SLC8A1: variants seen among roughly 807,000 people sequenced by gnomAD.
SLC8A1 encodes sodium/calcium exchanger 1.
SLC8A1 carries 18 observed loss-of-function variants against 68.3 expected under a neutral mutation model. That is an observed-to-expected ratio of 0.26 (90% CI 0.18 to 0.39). The LOEUF is 0.39. Among genes scored for constraint, SLC8A1 ranks in the 10% least tolerant of loss-of-function variants. SLC8A1 has a pLI of 1.00. For synonymous variants in SLC8A1, 475 were observed against 415.5 expected, an observed-to-expected ratio of 1.14 and a Z score of -1.74; for missense variants, 985 against 1,156.7, an observed-to-expected ratio of 0.85 and a Z score of 2.15.
exon 2 of SLC8A1, chr2:40,428,505 A>G (rs372069829): frequency 8.7e-6 from 14 of 1,610,002 alleles, no homozygotes; most frequent in Non-Finnish European, 7.6e-6. Flanking sequence ...CGAGCTCTCC[A>G]CAAGTGTCCT....
chr2:40,296,714 TTTTA>T (rs1350933147), intron 2 of SLC8A1, among the ~76,000 whole-genome samples: 2 of 152,352 alleles, frequency 1.3e-5, no homozygotes, highest in South Asian at 4.1e-4. Context: ...TCTTGTTATG[TTTTA>T]TTTATTTTAT....
chr2:40,204,840 G>T (rs1294084664), intron 2 of SLC8A1, among the ~76,000 whole-genome samples: 2 of 151,520 alleles, frequency 1.3e-5, no homozygotes, highest in Non-Finnish European at 2.9e-5. Flanking sequence ...TTGAAATCTG[G>T]TATTTATGGT....
At chr2:40,149,219 T>C (rs936880181) in intron 6 of SLC8A1, among the ~76,000 whole-genome samples, 20 of 152,250 alleles carry the variant, frequency 1.3e-4, no homozygotes, top group African/African-American at 4.8e-4. Context: ...AGACTGACTT[T>C]ATTAGTGCCA....
intron 2 of SLC8A1, among the ~76,000 whole-genome samples, chr2:40,290,503 T>G (rs17025746): frequency 8.5e-5 from 13 of 152,154 alleles, no homozygotes; most frequent in African/African-American, 3.1e-4. Flanking sequence ...CTGGGCCAGA[T>G]TTACCATAAT....
At chr2:40,277,929 C>T (rs2066983241) in intron 2 of SLC8A1, among the ~76,000 whole-genome samples, 1 of 150,962 alleles carries the variant, frequency 6.6e-6, no homozygotes, top group South Asian at 2.1e-4. Context: ...AACATCATAA[C>T]ATAAATATGT....
At chr2:40,416,251 A>G (rs1365533036) in intron 2 of SLC8A1, among the ~76,000 whole-genome samples, 1 of 152,118 alleles carries the variant, frequency 6.6e-6, no homozygotes. Context: ...TGTGACAGGA[A>G]GGTCAACTTA....
At chr2:40,270,758 G>T (rs1443836263) in intron 2 of SLC8A1, among the ~76,000 whole-genome samples, 2 of 152,160 alleles carry the variant, frequency 1.3e-5, no homozygotes, top group African/African-American at 2.4e-5. Context: ...GGACATCTTG[G>T]GTGGGAGCAT....
chr2:40,241,466 G>A (rs973144534), intron 2 of SLC8A1, among the ~76,000 whole-genome samples: 12 of 152,094 alleles, frequency 7.9e-5, no homozygotes, highest in Admixed American at 2.0e-4. Context: ...TACCCCCTCC[G>A]TCAAAAATAA....
chr2:40,192,328 A>G (rs1392823707), intron 2 of SLC8A1, among the ~76,000 whole-genome samples: 4 of 149,702 alleles, frequency 2.7e-5, no homozygotes, highest in Admixed American at 1.4e-4. Flanking sequence ...TGAAAAAGCA[A>G]TGATTTCTGA....
At position 40,293,795 on chromosome 2, in the gene SLC8A1, T is replaced by C. The variant is rs78484538; in HGVS notation, c.1809-115940A>G. On this transcript the variant is annotated intron_variant, in intron 2 of 7. Transcript: ENST00000406785. ...AGGCATATAGATGGAATAGGGTATG[T>C]AGACTTATCTATGGTATATTCATTT... Among the ~76,000 whole-genome samples the C allele has an allele frequency of 4.6e-3, 703 of 152,276 alleles. 6 individuals carry two copies. Among genetic ancestry groups the C allele is most frequent in the African/African-American group, 0.016 (671 of 41,566 alleles).
At chr2:40,352,065 A>C (rs967069954) in intron 2 of SLC8A1, among the ~76,000 whole-genome samples, 3 of 152,202 alleles carry the variant, frequency 2.0e-5, no homozygotes, top group Non-Finnish European at 4.4e-5. Context: ...CTAGAGAATA[A>C]TTATGCCTAG....
In SLC8A1 at chr2:40,236,663, T is replaced by C. The variant is rs545066230; in HGVS notation, c.1809-58808A>G. On this transcript the variant is annotated intron_variant, in intron 2 of 7. Coordinates refer to ENST00000406785, the Ensembl canonical transcript of SLC8A1. ...TCATTATGATGTTAGCTGGTTATTT[T>C]GCTCGTTAGTTGATGCAGTTTCTTC... Among the ~76,000 whole-genome samples the C allele has an allele frequency of 7.9e-4, 121 of 152,232 alleles. 1 individual carries two copies. Among genetic ancestry groups the C allele is most frequent in the Non-Finnish European group, 1.5e-3 (102 of 68,008 alleles).
At chr2:40,311,263 AG>A (rs1428155170) in intron 2 of SLC8A1, among the ~76,000 whole-genome samples, 2 of 152,220 alleles carry the variant, frequency 1.3e-5, no homozygotes, top group Non-Finnish European at 2.9e-5. Flanking sequence ...TAAAATTAGT[AG>A]GTCAAAAGGA....
At chr2:40,367,286 A>C (rs1179219271) in intron 2 of SLC8A1, among the ~76,000 whole-genome samples, 1 of 152,008 alleles carries the variant, frequency 6.6e-6, no homozygotes, top group Non-Finnish European at 1.5e-5. Flanking sequence ...ATAGTTCAGA[A>C]TCTTCTTCTG....
intron 2 of SLC8A1, among the ~76,000 whole-genome samples, chr2:40,245,360 T>G (rs1179872462): frequency 7.2e-6 from 1 of 139,244 alleles, no homozygotes; most frequent in Non-Finnish European, 1.5e-5. Flanking sequence ...TTAAATACAT[T>G]CAAGTCGTTA....
chr2:40,345,638 G>C (rs1206760510), intron 2 of SLC8A1, among the ~76,000 whole-genome samples: 1 of 152,104 alleles, frequency 6.6e-6, no homozygotes, highest in African/African-American at 2.4e-5. Flanking sequence ...CAGAAAATCT[G>C]CATTTTGAAA....
chr2:40,295,902 G>A (rs1483552761), intron 2 of SLC8A1, among the ~76,000 whole-genome samples: 1 of 152,114 alleles, frequency 6.6e-6, no homozygotes, highest in African/African-American at 2.4e-5. Context: ...GAAAGAGCTT[G>A]CCTTTGTGAG....
chr2:40,503,605 A>C (rs1351885558), intron 1 of SLC8A1, among the ~76,000 whole-genome samples: 2 of 152,088 alleles, frequency 1.3e-5, no homozygotes, highest in African/African-American at 4.8e-5. Context: ...AAATTTAGTA[A>C]AGTTGCAAGA....
chr2:40,469,480 A>G (rs550594229), intron 1 of SLC8A1, among the ~76,000 whole-genome samples: 5 of 152,314 alleles, frequency 3.3e-5, no homozygotes, highest in South Asian at 2.1e-4. Flanking sequence ...CTGCAAGTCA[A>G]TTAAACCTGT....
Sources: allele counts gnomAD v4.1 joint callset (sites outside exome capture counted in the v4.1 genomes callset), GRCh38; gene constraint gnomAD v4.1.1; transcripts MANE v1.5; gene names NCBI Gene and HGNC (gene_info 2026-07-23, HGNC 2026-07-21).